The following UPP2 variants were observed in gnomAD, a reference collection of about 807,000 sequenced individuals.
UPP2 encodes the protein uridine phosphorylase 2.
In UPP2, 23 loss-of-function variants were observed where a neutral mutation model predicts 26.7. That is an observed-to-expected ratio of 0.86 (90% CI 0.62 to 1.22). The LOEUF is 1.22. UPP2 is among the 50% of genes most tolerant of loss of function. The pLI, the probability that UPP2 is intolerant of heterozygous loss-of-function variation, is 0.00. For synonymous variants in UPP2, 127 were observed against 141.3 expected (o/e 0.90, Z 0.72); for missense variants, 387 against 396.7 (o/e 0.98, Z 0.21).
At chr2:157,997,062 A>G (rs565595775) in intron 2 of UPP2, among the ~76,000 whole-genome samples, 1 of 152,322 alleles carries the variant, frequency 6.6e-6, no homozygotes, top group East Asian at 1.9e-4. Context: ...AGATTGCTGC[A>G]GTTCTTCCCT....
chr2:158,063,492 T>A (rs1445054973), intron 3 of UPP2, among the ~76,000 whole-genome samples: 1 of 152,156 alleles, frequency 6.6e-6, no homozygotes, highest in East Asian at 1.9e-4. Flanking sequence ...ACTGGCTGCT[T>A]GCAACATGGC....
At chr2:158,118,386 C>T (rs1255037664) in intron 4 of UPP2, among the ~76,000 whole-genome samples, 4 of 151,936 alleles carry the variant, frequency 2.6e-5, no homozygotes, top group Admixed American at 2.0e-4. Context: ...TCAGTTACTA[C>T]GTCACCTCTA....
chr2:158,115,023 A>G (rs2105221611), intron 2 of UPP2, 78 bp from the exon 3 acceptor site: 4 of 1,364,116 alleles, frequency 2.9e-6, no homozygotes, highest in South Asian at 1.8e-5. Context: ...AAAGTAAAAT[A>G]AAAACATTAG....
At chr2:158,067,573 A>C (rs1682457965) in intron 3 of UPP2, among the ~76,000 whole-genome samples, 1 of 152,142 alleles carries the variant, frequency 6.6e-6, no homozygotes, top group Non-Finnish European at 1.5e-5. Flanking sequence ...AACTTTCAGA[A>C]GATGAATGGT....
chr2:158,082,887 T>A (rs1165410488), intron 3 of UPP2, among the ~76,000 whole-genome samples: 1 of 151,928 alleles, frequency 6.6e-6, no homozygotes, highest in Non-Finnish European at 1.5e-5. Context: ...CATCAAAAAG[T>A]GGGTGAAGGA....
At chr2:158,122,390 A>T (rs894309810) in intron 5 of UPP2, among the ~76,000 whole-genome samples, 1 of 152,008 alleles carries the variant, frequency 6.6e-6, no homozygotes, top group South Asian at 2.1e-4. Context: ...ATGTTTGGAG[A>T]TAGGTCATAT....
At chr2:158,034,301 C>T (rs6731053) in intron 3 of UPP2, among the ~76,000 whole-genome samples, 7,334 of 152,242 alleles carry the variant, frequency 0.048, 318 homozygotes, top group East Asian at 0.13. Context: ...TGAGCAGACA[C>T]AGCACTCCGC....
intron 3 of UPP2, among the ~76,000 whole-genome samples, chr2:158,026,988 T>C (rs1230682648): frequency 6.6e-6 from 1 of 152,112 alleles, no homozygotes; most frequent in African/African-American, 2.4e-5. Flanking sequence ...GCCCCCATGA[T>C]TCAAATTATC....
chr2:158,071,680 G>C (rs1252928134), intron 3 of UPP2, among the ~76,000 whole-genome samples: 4 of 152,004 alleles, frequency 2.6e-5, no homozygotes, highest in South Asian at 2.1e-4. Flanking sequence ...AGGACACTGG[G>C]CAGAGTTATG....
At chr2:158,066,031 A>T in intron 3 of UPP2, 1 of 322,488 alleles carries the variant, frequency 3.1e-6, no homozygotes, top group South Asian at 3.6e-5. Context: ...CACTTCAAAG[A>T]CTCCAGTGGT....
chr2:158,058,431 G>GTGTGTGTGTGTGTGTA (rs1558917390), intron 3 of UPP2, among the ~76,000 whole-genome samples: 5,195 of 150,214 alleles, frequency 0.035, 323 homozygotes, highest in African/African-American at 0.12. Flanking sequence ...GTGTGTGTGT[G>GTGTGTGTGTGTGTGTA]TGTGTGTGTG....
intron 2 of UPP2, among the ~76,000 whole-genome samples, chr2:158,107,657 G>A (rs1320993192): frequency 6.6e-6 from 1 of 151,958 alleles, no homozygotes; most frequent in Non-Finnish European, 1.5e-5. Flanking sequence ...AAGGAAGGAG[G>A]GAAGGAAAGA....
chr2:158,052,964 T>C (rs1682184026), intron 3 of UPP2, among the ~76,000 whole-genome samples: 1 of 152,196 alleles, frequency 6.6e-6, no homozygotes, highest in South Asian at 2.1e-4. Context: ...GCCTGAGGGC[T>C]GTAGTATGCC....
At chr2:158,058,665 C>G (rs1682302161) in intron 3 of UPP2, among the ~76,000 whole-genome samples, 1 of 152,050 alleles carries the variant, frequency 6.6e-6, no homozygotes, top group South Asian at 2.1e-4. Flanking sequence ...TAATACATCC[C>G]ATCAATTTCT....
chr2:158,107,622 A>C (rs547901545), intron 2 of UPP2, among the ~76,000 whole-genome samples: 1 of 152,234 alleles, frequency 6.6e-6, no homozygotes, highest in East Asian at 1.9e-4. Flanking sequence ...TTGGAGGCAG[A>C]GGAAAAGGAA....
intron 1 of UPP2, among the ~76,000 whole-genome samples, chr2:158,102,613 C>A (rs1005773397): frequency 6.6e-6 from 1 of 152,176 alleles, no homozygotes; most frequent in Non-Finnish European, 1.5e-5. Context: ...TGTGATTCAT[C>A]TCATGGGTAG....
chr2:158,072,092 G>C (rs932611508), intron 3 of UPP2, among the ~76,000 whole-genome samples: 3 of 152,114 alleles, frequency 2.0e-5, no homozygotes, highest in African/African-American at 7.2e-5. Flanking sequence ...CCAGAGGAGA[G>C]CCCACTGCCC....
chr2:158,031,170 G>C (rs1024166513), intron 3 of UPP2, among the ~76,000 whole-genome samples: 6 of 152,168 alleles, frequency 3.9e-5, no homozygotes, highest in Non-Finnish European at 7.3e-5. Context: ...GGAGTGATTA[G>C]GGGAATCATT....
At chr2:158,044,256 CA>C (rs1684120370) in intron 3 of UPP2, among the ~76,000 whole-genome samples, 1 of 152,092 alleles carries the variant, frequency 6.6e-6, no homozygotes, top group Admixed American at 6.5e-5. Context: ...CTTTACAGGC[CA>C]GTTTTGATGT....
Sources: allele counts gnomAD v4.1 joint callset (sites outside exome capture counted in the v4.1 genomes callset), GRCh38; gene constraint gnomAD v4.1.1; transcripts MANE v1.5; gene names NCBI Gene and HGNC (gene_info 2026-07-23, HGNC 2026-07-21).